The following SPDYE3 variants were observed in gnomAD, a reference collection of about 807,000 sequenced individuals.
The protein encoded by SPDYE3 is speedy protein E3.
In SPDYE3, 15 loss-of-function variants were observed where a neutral mutation model predicts 55.0. That is an observed-to-expected ratio of 0.27 (90% confidence interval 0.18 to 0.42). The LOEUF is 0.42. Ranked by LOEUF, SPDYE3 falls within the 10% of genes least tolerant of loss-of-function variation. The pLI is 1.00. For missense variants in SPDYE3, 236 were observed against 576.7 expected (o/e 0.41, Z 6.05); for synonymous variants, 89 against 229.9 (o/e 0.39, Z 5.55).
At chr7:100,312,814 T>C (rs1805994736) in intron 4 of SPDYE3, among the ~76,000 whole-genome samples, 1 of 139,314 alleles carries the variant, frequency 7.2e-6, no homozygotes, top group African/African-American at 2.6e-5. Context: ...AGATAGATGT[T>C]GCAGTCAGCT....
At chr7:100,318,493 C>G (rs1423354467) in intron 8 of SPDYE3, among the ~76,000 whole-genome samples, 2 of 152,164 alleles carry the variant, frequency 1.3e-5, no homozygotes, top group Non-Finnish European at 2.9e-5. Flanking sequence ...TCTGGGTGTC[C>G]CACACACATG....
chr7:100,309,516 C>T lies in SPDYE3; in HGVS notation c.325+324C>T, dbSNP rs576819740. On this transcript the variant is annotated intron_variant, in intron 2 of 10. Transcript: ENST00000332397. ...TCGAGGCTGCAGTGAGCTATGACTG[C>T]ACCACTGCACTCCAGCCTGAGTGAC... Among the ~76,000 whole-genome samples, 72 of 140,338 alleles carry T rather than the reference C, an allele frequency of 5.1e-4. 9 individuals carry two copies. The South Asian group carries it at 0.011, about 22-fold the overall frequency. 92.1% of individuals were successfully genotyped at this position (140,338 alleles called of 152,430 possible).
chr7:100,317,802 TAAA>T (rs1185913609), intron 8 of SPDYE3, among the ~76,000 whole-genome samples: 1 of 134,136 alleles, frequency 7.5e-6, no homozygotes, highest in African/African-American at 2.8e-5. Context: ...TGTCTCCACT[TAAA>T]AAAAAAAAAA....
At chr7:100,315,280 A>T (rs1367399033) in intron 6 of SPDYE3, among the ~76,000 whole-genome samples, 58 of 152,256 alleles carry the variant, frequency 3.8e-4, no homozygotes, top group Admixed American at 3.8e-3. Flanking sequence ...CTCTGTCTCA[A>T]AATAAATTAA....
Position 100,319,732 on chromosome 7 carries a change from T to C in SPDYE3, c.1514T>C (p.Leu505Ser), listed in dbSNP as rs1789528091. ...RARKNCSQIA[L>S]FQKRRFQFFC... The stretch of plus-strand genomic sequence containing the variant: ...AGGAAGAACTGCTCTCAGATAGCCT[T>C]GTTCCAGAAGCGTCGGTTCCAGTTC... The change falls in exon 9 of 11, where the codon TTG (leucine) becomes TCG (serine). Residue 505 changes from leucine to serine, a missense_variant. Leu to Ser is a moderately radical substitution (Grantham distance 145). Coordinates refer to ENST00000332397, the MANE Select transcript of SPDYE3 (RefSeq NM_001004351.5). 6.2e-7 allele frequency: 1 copy of C among 1,614,104 alleles called. No individual in the cohort carries two copies. The highest frequency in any genetic ancestry group is 1.7e-5 in the Admixed American group (1 of 60,004).
intron 1 of SPDYE3, 123 bp downstream of exon 1, chr7:100,308,114 G>A (rs1805868363): frequency 7.8e-7 from 1 of 1,289,730 alleles, no homozygotes; most frequent in East Asian, 3.3e-5. Context: ...CAGATCACCT[G>A]AGGTCAGCAG....
intron 3 of SPDYE3, among the ~76,000 whole-genome samples, 180 bp from the exon 4 acceptor site, chr7:100,311,570 G>A (rs1805958005): frequency 7.2e-6 from 1 of 138,894 alleles, no homozygotes. Context: ...AGAGAGGGAA[G>A]AATGGGGAGG....
intron 10 of SPDYE3, 77 bp from the exon 11 acceptor site, chr7:100,320,814 T>G (rs1789564806): frequency 3.6e-6 from 4 of 1,103,812 alleles, no homozygotes; most frequent in Non-Finnish European, 4.7e-6. Context: ...CTAGCTAGAC[T>G]TGACATGGGA....
Position 100,307,865 on chromosome 7 carries a change from G to C in SPDYE3, c.-21G>C. On this transcript the variant is annotated 5_prime_UTR_variant, in exon 1 of 11. Transcript: ENST00000332397. ...AACAGAGACTAGCTTCGGTGAGATT[G>C]GACAGATTTTGGGAAAGATCATGAC... 6.4e-7 allele frequency: 1 copy of C among 1,565,278 alleles called. No individual in the cohort carries two copies. Among genetic ancestry groups the C allele is most frequent in the Non-Finnish European group, 8.6e-7 (1 of 1,163,750 alleles).
intron 4 of SPDYE3, among the ~76,000 whole-genome samples, chr7:100,312,448 G>T (rs1170926434): frequency 7.7e-6 from 1 of 130,316 alleles, no homozygotes; most frequent in African/African-American, 3.1e-5. Flanking sequence ...AGTGAGCCAA[G>T]ATCGTGCTAC....
chr7:100,318,890 A>G (rs1297442069), intron 8 of SPDYE3, among the ~76,000 whole-genome samples: 1 of 127,702 alleles, frequency 7.8e-6, no homozygotes, highest in Non-Finnish European at 1.8e-5. Context: ...CTGGACAGTT[A>G]TTTATTTATT....
At chr7:100,318,588 A>C (rs572008864) in intron 8 of SPDYE3, among the ~76,000 whole-genome samples, 2 of 152,244 alleles carry the variant, frequency 1.3e-5, no homozygotes, top group African/African-American at 2.4e-5. Context: ...CAACTTCTGC[A>C]TGCCCGTAGC....
At chr7:100,318,619 T>C (rs1160547654) in intron 8 of SPDYE3, among the ~76,000 whole-genome samples, 2 of 152,166 alleles carry the variant, frequency 1.3e-5, no homozygotes, top group Non-Finnish European at 2.9e-5. Context: ...CATCCTCTTA[T>C]AATGTGACAT....
intron 2 of SPDYE3, among the ~76,000 whole-genome samples, chr7:100,310,111 A>G (rs1014594739): frequency 2.8e-5 from 4 of 140,950 alleles, no homozygotes; most frequent in African/African-American, 1.0e-4. Context: ...AGAAAAAAAA[A>G]AGAGGGCCTC....
intron 10 of SPDYE3, chr7:100,320,367 A>C: frequency 9.3e-7 from 1 of 1,078,304 alleles, no homozygotes; most frequent in Non-Finnish European, 1.2e-6. Context: ...TGATTGATGC[A>C]CTTGAGTTAC....
Position 100,308,405 on chromosome 7 carries a change from G to A in SPDYE3, c.106+414G>A, listed in dbSNP as rs530360057. ...AGGAAGGAGAACCTGGGGAGGGTGT[G>A]TGGGAAGAATGGAGAAATTCAGGCT... On this transcript the variant is annotated intron_variant, in intron 1 of 10. Transcript: ENST00000332397. Among the ~76,000 whole-genome samples, 4 of 151,366 alleles carry A rather than the reference G, an allele frequency of 2.6e-5. No homozygotes were observed. In the East Asian group the frequency reaches 7.8e-4, roughly 30 times the overall value.
rs1415499259 is a variant in SPDYE3 at position 100,320,041 on chromosome 7, T to C, written c.*45+6T>C. The C allele has an allele frequency of 3.7e-6, 6 of 1,601,460 alleles. No homozygotes were observed. The highest frequency in any genetic ancestry group is 5.1e-6 in the Non-Finnish European group (6 of 1,178,394). On this transcript the variant is annotated splice_donor_region_variant and intron_variant, in intron 10 of 10. Transcript: ENST00000332397. ...GGTCATCGGCCTGAGAGAAGGTACA[T>C]CTGCATCCTCCGGGGTAAAGGCAGA...
intron 4 of SPDYE3, among the ~76,000 whole-genome samples, chr7:100,312,515 AG>A: frequency 7.4e-6 from 1 of 134,778 alleles, no homozygotes; most frequent in East Asian, 2.0e-4. Flanking sequence ...AAAAAAAAAA[AG>A]AAGAAGAGAA....
At chr7:100,319,135 TC>T (rs1789513455) in intron 8 of SPDYE3, among the ~76,000 whole-genome samples, 1 of 152,074 alleles carries the variant, frequency 6.6e-6, no homozygotes, top group African/African-American at 2.4e-5. Context: ...GGTCTCAAAC[TC>T]CTGGTCTCAA....
Sources: allele counts gnomAD v4.1 joint callset (sites outside exome capture counted in the v4.1 genomes callset), GRCh38; gene constraint gnomAD v4.1.1; transcripts MANE v1.5; gene names NCBI Gene and HGNC (gene_info 2026-07-23, HGNC 2026-07-21).